The following ITGAE variants were observed in gnomAD, a reference collection of about 807,000 sequenced individuals.
ITGAE encodes the protein integrin subunit alpha E.
Under a neutral mutation model 136.5 loss-of-function variants are expected in ITGAE, and 99 were observed. The observed-to-expected ratio is 0.73, with a 90% CI of 0.62 to 0.86. The LOEUF is 0.86. ITGAE is among the 40% of genes least tolerant of loss of function. ITGAE has a pLI of 0.00. For synonymous variants in ITGAE, 613 were observed against 591.8 expected (o/e 1.04, Z -0.52); for missense variants, 1,447 against 1,515.3 (o/e 0.95, Z 0.75).
chr17:3,733,867 C>T (rs1471462139), intron 21 of ITGAE, among the ~76,000 whole-genome samples: 1 of 152,196 alleles, frequency 6.6e-6, no homozygotes, highest in Non-Finnish European at 1.5e-5. Context: ...CAGTCACCAG[C>T]AGGCCAGCCT....
chr17:3,734,483 A>G (rs2051417543), intron 21 of ITGAE, among the ~76,000 whole-genome samples: 1 of 152,192 alleles, frequency 6.6e-6, no homozygotes, highest in Non-Finnish European at 1.5e-5. Context: ...CTGTGTCTGT[A>G]TCCAGCCTTG....
chr17:3,772,094 C>T (rs1373687482), intron 2 of ITGAE, among the ~76,000 whole-genome samples: 1 of 152,196 alleles, frequency 6.6e-6, no homozygotes. Flanking sequence ...ACTCAGCCGG[C>T]CTCCAGGCTT....
intron 1 of ITGAE, among the ~76,000 whole-genome samples, chr17:3,785,242 G>T (rs2052755899): frequency 6.6e-6 from 1 of 152,186 alleles, no homozygotes; most frequent in South Asian, 2.1e-4. Flanking sequence ...GCCGAGGCAG[G>T]CGGATCACTT....
At position 3,757,705 on chromosome 17, in the gene ITGAE, C is replaced by A. The variant is rs770100518; in HGVS notation, c.1020+1G>T. On this transcript the variant is annotated splice_donor_variant, in intron 9 of 30. Coordinates refer to ENST00000263087, the MANE Select transcript of ITGAE (RefSeq NM_002208.5). LOFTEE classifies it high-confidence loss of function. ...GGTGTCTCCCGGCTCCTGGCTCTTA[C>A]CCCAATGGCAAAGCGCTCAACACCC... 2 of 1,613,668 alleles carry A rather than the reference C, an allele frequency of 1.2e-6. No individual in the cohort carries two copies. The highest frequency in any genetic ancestry group is 1.3e-5 in the African/African-American group (1 of 74,908).
chr17:3,790,231 G>C (rs1387076298), intron 1 of ITGAE, among the ~76,000 whole-genome samples: 1 of 152,210 alleles, frequency 6.6e-6, no homozygotes, highest in Non-Finnish European at 1.5e-5. Flanking sequence ...GAAGGGCCAG[G>C]CACAGTGGCT....
At chr17:3,724,367 C>T in intron 26 of ITGAE, 1 of 1,604,136 alleles carries the variant, frequency 6.2e-7, no homozygotes. Context: ...GCGACTCCGG[C>T]CGCCTCAGCC....
intron 9 of ITGAE, 105 bp downstream of exon 9, chr17:3,757,601 G>A: frequency 8.3e-7 from 1 of 1,211,726 alleles, no homozygotes. Flanking sequence ...AATAGAACAG[G>A]GTCTGGATAA....
At chr17:3,724,556 C>A (rs1338822925) in intron 26 of ITGAE, 2 of 1,614,144 alleles carry the variant, frequency 1.2e-6, no homozygotes, top group Middle Eastern at 1.6e-4. Context: ...GCCTCCACCT[C>A]CCAGAAGTCT....
chr17:3,741,502 C>T (rs557214724), intron 19 of ITGAE, among the ~76,000 whole-genome samples: 23 of 152,246 alleles, frequency 1.5e-4, no homozygotes, highest in Admixed American at 1.2e-3. Flanking sequence ...CTGGTAACAC[C>T]GATGTGCCTA....
In ITGAE at chr17:3,777,599, T is replaced by A; in HGVS notation, c.96A>T (p.Gly32=). 1 of 1,613,572 alleles carries A rather than the reference T, an allele frequency of 6.2e-7. No individual in the cohort carries two copies. Among genetic ancestry groups the A allele is most frequent in the Non-Finnish European group, 8.5e-7 (1 of 1,179,832 alleles). ...GGGAGCTGAGCACGAAAGGGGCACC[T>A]CCCTTGGGCGTGAGCCAGGGCCGGG... ...DVARPWLTPK[G]GAPFVLSSLL... is the part of the protein sequence containing the mutation. The change falls in exon 2 of 31, where the codon GGA becomes GGT. Residue 32 remains glycine, a synonymous_variant. Coordinates refer to ENST00000263087, the MANE Select transcript of ITGAE (RefSeq NM_002208.5).
In ITGAE at chr17:3,801,086, C is replaced by T. The variant is rs148284695; in HGVS notation, c.34+25G>A. 2.2e-4 allele frequency: 355 copies of T among 1,612,770 alleles called. 1 individual carries two copies. The African/African-American group carries it at 4.0e-3, about 18-fold the overall frequency. On this transcript the variant is annotated intron_variant, in intron 1 of 30. Coordinates refer to ENST00000263087, the MANE Select transcript of ITGAE (RefSeq NM_002208.5). ...TGGAGCTGAGGGCACAGCAGCCCCT[C>T]GAAGCAGCGGGTGAGAGGACTTACT...
In ITGAE at chr17:3,728,166, G is replaced by C; in HGVS notation, c.2915C>G (p.Pro972Arg). The C allele has an allele frequency of 6.2e-7, 1 of 1,611,928 alleles. No homozygotes were observed. The highest frequency in any genetic ancestry group is 8.5e-7 in the Non-Finnish European group (1 of 1,178,086). ...RHGFVAVLSK[P>R]SIMYVNTGQG... ...GCCTGTGTTCACGTACATTATGGAT[G>C]GTCTGCAATTGACAGGACATGCGTC... is the stretch of plus-strand genomic sequence containing the variant. The change falls in exon 25 of 31, where the codon CCA becomes CGA. Residue 972 changes from proline (P) to arginine (R), a missense_variant and splice_region_variant. Pro to Arg is a moderately radical substitution (Grantham distance 103, BLOSUM62 -2). Around this residue, in one of 3 missense-constraint regions of ITGAE, gnomAD observed 1,031 missense variants for 1,011.4 expected, o/e 1.02. Coordinates refer to ENST00000263087, the MANE Select transcript of ITGAE (RefSeq NM_002208.5).
At chr17:3,754,839 T>G in intron 12 of ITGAE, 14 of 240,440 alleles carry the variant, frequency 5.8e-5, no homozygotes, top group East Asian at 1.4e-4. Flanking sequence ...CCTCCTCACG[T>G]AACTTCCAGG....
Position 3,763,946 on chromosome 17 carries a change from C to A in ITGAE, c.170G>T (p.Ser57Ile), listed in dbSNP as rs374378319. ...STNQTWLLVT[S>I]PRTKRTPGPL... ...CCCTGGTGTCCTCTTGGTTCTGGGG[C>A]TGGTGACCAGGAGCCTGAGTGGGAG... The change falls in exon 3 of 31, where the codon AGC becomes ATC. Residue 57 changes from serine (S) to isoleucine (I), a missense_variant. Physicochemically the swap from Ser to Ile is moderately radical, Grantham distance 142 (BLOSUM62 -2). Transcript: ENST00000263087. 7.4e-5 allele frequency: 120 copies of A among 1,612,612 alleles called. No individual in the cohort carries two copies. The highest frequency in any genetic ancestry group is 5.0e-4 in the Admixed American group (30 of 59,856).
intron 14 of ITGAE, among the ~76,000 whole-genome samples, chr17:3,752,904 C>T (rs1302777936): frequency 1.3e-5 from 2 of 152,082 alleles, no homozygotes; most frequent in Non-Finnish European, 2.9e-5. Flanking sequence ...ATAAAATTAG[C>T]CGGGTGTGTG....
In ITGAE at chr17:3,714,900, T is replaced by C. The variant is rs1484095760; in HGVS notation, c.3487A>G (p.Ser1163Gly). The C allele has an allele frequency of 1.2e-6, 2 of 1,611,226 alleles. No homozygotes were observed. The highest frequency in any genetic ancestry group is 2.2e-5 in the South Asian group (2 of 90,980). Reference sequence around the variant, plus strand: ...GATTTCAGCTGGGCCTTCCTGATGCTCTCCAAGTTCAGTTGTTGATATTTT... The same window carrying C: ...GATTTCAGCTGGGCCTTCCTGATGCCCTCCAAGTTCAGTTGTTGATATTTT... ...KRKYQQLNLE[S>G]IRKAQLKSEN... The change falls in exon 31 of 31, where the codon AGC becomes GGC. Residue 1163 changes from serine (S) to glycine (G), a missense_variant. Ser to Gly is a moderately conservative substitution (Grantham distance 56). This residue lies in a region of ITGAE where 1,031 missense variants were observed against 1,011.4 expected (regional missense o/e 1.02). Transcript: ENST00000263087.
At chr17:3,797,277 T>C (rs2053137982) in intron 1 of ITGAE, among the ~76,000 whole-genome samples, 1 of 148,600 alleles carries the variant, frequency 6.7e-6, no homozygotes, top group South Asian at 2.2e-4. Flanking sequence ...GCCATTCTCC[T>C]GCCTCAGCCT....
chr17:3,776,563 G>A (rs116807413), intron 2 of ITGAE, among the ~76,000 whole-genome samples: 16 of 152,250 alleles, frequency 1.1e-4, no homozygotes, highest in African/African-American at 3.9e-4. Flanking sequence ...ACCAGTACAC[G>A]CTTGTTCCTC....
At chr17:3,747,367 G>A (rs1036559581) in intron 17 of ITGAE, among the ~76,000 whole-genome samples, 1 of 152,006 alleles carries the variant, frequency 6.6e-6, no homozygotes, top group South Asian at 2.1e-4. Context: ...ACCCAGCGTG[G>A]AGTGCAGTGG....
Sources: allele counts gnomAD v4.1 joint callset (sites outside exome capture counted in the v4.1 genomes callset), GRCh38; gene constraint gnomAD v4.1.1; regional missense constraint gnomAD v4.1.1; transcripts MANE v1.5; gene names NCBI Gene and HGNC (gene_info 2026-07-23, HGNC 2026-07-21).